RALYL: variants seen among roughly 807,000 people sequenced by gnomAD.
RALYL encodes RNA-binding Raly-like protein.
A neutral mutation model predicts 35.1 loss-of-function variants in RALYL; 29 were observed. The observed-to-expected ratio is 0.83, with a 90% CI of 0.61 to 1.13. The LOEUF (loss-of-function observed/expected upper bound fraction) is 1.13, where lower values mean the gene tolerates loss of function less well. Among genes scored for constraint, RALYL ranks in the 50% most tolerant of loss-of-function variants. The pLI is 0.00. For synonymous variants in RALYL, 120 were observed against 127.6 expected, an observed-to-expected ratio of 0.94 and a Z score of 0.40; for missense variants, 359 against 360.4, an observed-to-expected ratio of 1.00 and a Z score of 0.03.
intron 1 of RALYL, among the ~76,000 whole-genome samples, chr8:84,313,646 C>T (rs981544136): frequency 3.3e-4 from 50 of 152,158 alleles, no homozygotes; most frequent in African/African-American, 1.1e-3. Flanking sequence ...AAAATGCTGC[C>T]AGTCTCTTTG....
At chr8:84,630,554 A>G (rs533921769) in intron 2 of RALYL, among the ~76,000 whole-genome samples, 4 of 152,172 alleles carry the variant, frequency 2.6e-5, no homozygotes, top group African/African-American at 7.2e-5. Context: ...TTTCTCCTCA[A>G]TAATGCTCAT....
At chr8:84,499,031 G>A (rs976814290) in intron 1 of RALYL, among the ~76,000 whole-genome samples, 2 of 151,766 alleles carry the variant, frequency 1.3e-5, no homozygotes, top group African/African-American at 4.8e-5. Context: ...ATACCCACTG[G>A]GGGAGCAGTC....
chr8:84,372,536 G>T (rs1855923427), intron 1 of RALYL, among the ~76,000 whole-genome samples: 1 of 151,888 alleles, frequency 6.6e-6, no homozygotes, highest in Non-Finnish European at 1.5e-5. Context: ...CTGGGAGTTT[G>T]ATACCAGCCC....
chr8:84,404,786 G>A (rs1319440177), intron 1 of RALYL, among the ~76,000 whole-genome samples: 1 of 152,080 alleles, frequency 6.6e-6, no homozygotes, highest in Non-Finnish European at 1.5e-5. Flanking sequence ...ATTCAGCTGT[G>A]AATCTGTCTG....
chr8:84,732,683 T>TATATATACAC, intron 2 of RALYL, among the ~76,000 whole-genome samples: 2 of 133,234 alleles, frequency 1.5e-5, no homozygotes, highest in African/African-American at 6.1e-5. Flanking sequence ...TATATATATA[T>TATATATACAC]ACACACACAC....
intron 2 of RALYL, among the ~76,000 whole-genome samples, chr8:84,562,434 C>A (rs557842161): frequency 6.6e-6 from 1 of 151,734 alleles, no homozygotes; most frequent in Non-Finnish European, 1.5e-5. Flanking sequence ...TTGTTTTGAC[C>A]AACACATATT....
At chr8:84,276,451 C>A (rs1463788925) in intron 1 of RALYL, among the ~76,000 whole-genome samples, 1 of 152,118 alleles carries the variant, frequency 6.6e-6, no homozygotes, top group Admixed American at 6.5e-5. Flanking sequence ...ACATTTTCTT[C>A]TAATTCCTGC....
At chr8:84,625,302 G>A (rs1822485423) in intron 2 of RALYL, among the ~76,000 whole-genome samples, 1 of 152,132 alleles carries the variant, frequency 6.6e-6, no homozygotes, top group South Asian at 2.1e-4. Context: ...ATTATAGGAT[G>A]CAATAGGAAA....
chr8:84,362,150 T>C (rs1853173862), intron 1 of RALYL, among the ~76,000 whole-genome samples: 2 of 152,012 alleles, frequency 1.3e-5, no homozygotes, highest in South Asian at 4.1e-4. Context: ...AGTAAACATT[T>C]ATTAAATATA....
chr8:84,739,896 C>A (rs1378739468), intron 2 of RALYL, among the ~76,000 whole-genome samples: 25 of 151,844 alleles, frequency 1.6e-4, no homozygotes, highest in Non-Finnish European at 3.1e-4. Flanking sequence ...ATTGGAGTCA[C>A]TATATATAAG....
At chr8:84,914,490 C>T (rs1848117110) in intron 8 of RALYL, among the ~76,000 whole-genome samples, 1 of 151,940 alleles carries the variant, frequency 6.6e-6, no homozygotes, top group Admixed American at 6.6e-5. Flanking sequence ...TCATTATCTT[C>T]AGAAAGTATC....
chr8:84,672,537 A>G (rs1673775269), intron 2 of RALYL, among the ~76,000 whole-genome samples: 1 of 152,130 alleles, frequency 6.6e-6, no homozygotes, highest in Non-Finnish European at 1.5e-5. Flanking sequence ...GTCCATTTTC[A>G]TATTGCTATG....
At chr8:84,370,153 G>T (rs545358816) in intron 1 of RALYL, among the ~76,000 whole-genome samples, 4 of 152,136 alleles carry the variant, frequency 2.6e-5, no homozygotes, top group African/African-American at 9.6e-5. Flanking sequence ...TTTGTTCTAG[G>T]ATGTATTAAA....
chr8:84,835,250 A>G (rs1831712511), intron 4 of RALYL, among the ~76,000 whole-genome samples: 1 of 152,242 alleles, frequency 6.6e-6, no homozygotes, highest in Non-Finnish European at 1.5e-5. Flanking sequence ...GAGAGCTGAC[A>G]AGCATGAGTT....
intron 1 of RALYL, among the ~76,000 whole-genome samples, chr8:84,481,636 C>A (rs1299923638): frequency 6.6e-6 from 1 of 152,018 alleles, no homozygotes; most frequent in Admixed American, 6.6e-5. Context: ...CAACAGCATA[C>A]TCGGCAATAA....
At chr8:84,536,929 A>T (rs1363960411) in intron 2 of RALYL, among the ~76,000 whole-genome samples, 1 of 152,058 alleles carries the variant, frequency 6.6e-6, no homozygotes, top group African/African-American at 2.4e-5. Flanking sequence ...AACCTTTGAA[A>T]CTATTCATCA....
At position 84,635,260 on chromosome 8, in the gene RALYL, A is replaced by G. The variant is rs78745497; in HGVS notation, c.256+105683A>G. 9.8e-3 allele frequency among the ~76,000 whole-genome samples: 1,483 copies of G among 151,830 alleles called. 14 individuals are homozygous for G. Among genetic ancestry groups the G allele is most frequent in the Non-Finnish European group, 0.014 (968 of 67,758 alleles). On this transcript the variant is annotated intron_variant, in intron 2 of 8. Transcript: ENST00000521268. ...ATATTGAATTGCTACAATATGCTGG[A>G]AAAAGGTAAAATAAGTCCAATTATC...
intron 2 of RALYL, among the ~76,000 whole-genome samples, chr8:84,747,204 A>G (rs10089129): frequency 0.27 from 40,758 of 151,536 alleles, 5,888 homozygotes; most frequent in African/African-American, 0.35. Flanking sequence ...TTCTCTTTTA[A>G]TGCTTTTCTG....
intron 1 of RALYL, among the ~76,000 whole-genome samples, chr8:84,328,933 T>C (rs892662402): frequency 6.6e-5 from 10 of 152,194 alleles, no homozygotes; most frequent in African/African-American, 2.2e-4. Flanking sequence ...GCAAAGGACG[T>C]GATTTCATTC....
Sources: gnomAD v4.1 joint callset for allele counts (sites outside exome capture counted in the v4.1 genomes callset) on GRCh38, gnomAD v4.1.1 for gene constraint, MANE v1.5 for transcripts, NCBI Gene and HGNC (gene_info 2026-07-23, HGNC 2026-07-21) for gene names.